The following ZNF549 variants were observed in gnomAD, a reference collection of about 807,000 sequenced individuals.
ZNF549 encodes the protein zinc finger protein 549.
A neutral mutation model predicts 11.1 loss-of-function variants in ZNF549; 11 were observed. That is an observed-to-expected ratio of 0.99 (90% confidence interval 0.62 to 1.64). ZNF549 has a LOEUF of 1.64. Among genes scored for constraint, ZNF549 ranks in the 40% most tolerant of loss-of-function variants. ZNF549 has a pLI of 0.00. For synonymous variants in ZNF549, 266 were observed against 269.1 expected, an observed-to-expected ratio of 0.99 and a Z score of 0.11; for missense variants, 748 against 765.1, an observed-to-expected ratio of 0.98 and a Z score of 0.26.
Position 57,538,628 on chromosome 19 carries a change from A to G in ZNF549, c.1624A>G (p.Lys542Glu), listed in dbSNP as rs1238614307. ...NECGKVFSHQ[K>E]RLLEHQKVHT... ...ATGTGGAAAAGTCTTCAGCCACCAA[A>G]AAAGACTTCTTGAGCACCAGAAAGT... Residue 542 changes from lysine to glutamate, a missense_variant, in exon 4 of 4, where the codon AAA (lysine) becomes GAA (glutamate). Transcript: ENST00000376233. 6.2e-7 allele frequency: 1 copy of G among 1,614,042 alleles called. No individual in the cohort carries two copies. Among genetic ancestry groups the G allele is most frequent in the Non-Finnish European group, 8.5e-7 (1 of 1,180,030 alleles).
intron 1 of ZNF549, among the ~76,000 whole-genome samples, chr19:57,529,900 T>A (rs983567529): frequency 2.2e-4 from 33 of 149,570 alleles, no homozygotes; most frequent in African/African-American, 6.5e-4. Flanking sequence ...AATAAATAAA[T>A]AAAATAAATA....
intron 3 of ZNF549, among the ~76,000 whole-genome samples, chr19:57,536,203 G>T (rs1199489959): frequency 6.6e-6 from 1 of 152,112 alleles, no homozygotes; most frequent in African/African-American, 2.4e-5. Context: ...ATGTTCCTCA[G>T]CTCGTGATGG....
At chr19:57,536,064 C>T (rs760047555) in intron 3 of ZNF549, among the ~76,000 whole-genome samples, 3 of 152,130 alleles carry the variant, frequency 2.0e-5, no homozygotes, top group South Asian at 4.1e-4. Context: ...GACAATTTGC[C>T]TACTTGTCGT....
Position 57,527,444 on chromosome 19 carries a change from G to T in ZNF549, c.-130G>T. ...GTAACTGGAGCCGGAAACCGGTGGAGGTGGTGTCCGCCCGCAGAGGAGCTT... is the reference window on the plus strand; with the variant it reads ...GTAACTGGAGCCGGAAACCGGTGGATGTGGTGTCCGCCCGCAGAGGAGCTT... On this transcript the variant is annotated 5_prime_UTR_variant, in exon 1 of 4. In the 5' UTR this introduces an upstream ATG that the reference lacks. Coordinates refer to ENST00000376233, the MANE Select transcript of ZNF549 (RefSeq NM_001199295.2). 1 of 1,297,024 alleles carries T rather than the reference G, an allele frequency of 7.7e-7. No individual in the cohort carries two copies. Among genetic ancestry groups the T allele is most frequent in the Non-Finnish European group, 1.1e-6 (1 of 923,026 alleles). The allele number at this position is 1,297,024 out of a possible 1,614,324, so 80.3% of individuals were successfully genotyped here.
intron 2 of ZNF549, among the ~76,000 whole-genome samples, chr19:57,534,084 T>C (rs988257724): frequency 1.1e-4 from 17 of 152,210 alleles, no homozygotes; most frequent in South Asian, 4.1e-4. Flanking sequence ...ATGGCAGATT[T>C]AAGAGGAACA....
chr19:57,537,173 A>G (rs1440214198), intron 3 of ZNF549, 31 bp from the exon 4 acceptor site: 18 of 1,590,196 alleles, frequency 1.1e-5, no homozygotes, highest in Non-Finnish European at 1.5e-5. Context: ...CAAAGTCTGC[A>G]TATACTTCAC....
chr19:57,535,981 G>A (rs536859773), intron 3 of ZNF549, among the ~76,000 whole-genome samples: 16 of 152,208 alleles, frequency 1.1e-4, no homozygotes, highest in African/African-American at 3.9e-4. Context: ...CCAGGCAAAT[G>A]TCCTATGTTC....
rs1286360655 is a variant in ZNF549, at chr19:57,537,951, A to G, written c.947A>G (p.Lys316Arg). The change falls in exon 4 of 4, where the codon AAA becomes AGA. Residue 316 changes from lysine to arginine, a missense_variant. By Grantham distance (26) the Lys-to-Arg change is conservative. Coordinates refer to ENST00000376233, the MANE Select transcript of ZNF549 (RefSeq NM_001199295.2). ...GAATGTGGGAAATCCTTGAGCTCCA[A>G]ATACTCACTTGTGGAACACCAGAGA... Reference protein sequence around the residue: ...CIECGKSLSSKYSLVEHQRTH... With the variant: ...CIECGKSLSSRYSLVEHQRTH... 3 of 1,614,116 alleles carry G rather than the reference A, an allele frequency of 1.9e-6. No individual in the cohort carries two copies. Among genetic ancestry groups the G allele is most frequent in the African/African-American group, 2.7e-5 (2 of 75,028 alleles).
At chr19:57,530,103 A>G (rs1010014676) in intron 1 of ZNF549, among the ~76,000 whole-genome samples, 4 of 152,172 alleles carry the variant, frequency 2.6e-5, no homozygotes, top group African/African-American at 9.6e-5. Flanking sequence ...CTTGAGTTTT[A>G]TGAGATGGCT....
At chr19:57,530,438 T>TAA (rs2123308890) in intron 1 of ZNF549, among the ~76,000 whole-genome samples, 1 of 152,264 alleles carries the variant, frequency 6.6e-6, no homozygotes, top group South Asian at 2.1e-4. Flanking sequence ...CTGGTAAACA[T>TAA]AAGTAAAATA....
chr19:57,529,735 A>C (rs1160879434), intron 1 of ZNF549, among the ~76,000 whole-genome samples: 1 of 151,910 alleles, frequency 6.6e-6, no homozygotes, highest in Non-Finnish European at 1.5e-5. Context: ...AAATACAAAA[A>C]ATTAGCCAGG....
rs138323471 is a variant in ZNF549, at chr19:57,535,154, C to A, written c.83C>A (p.Thr28Asn). The change falls in exon 3 of 4, where the codon ACC (threonine) becomes AAC (asparagine). Residue 28 changes from threonine (T) to asparagine (N), a missense_variant. By Grantham distance (65) the Thr-to-Asn change is moderately conservative. Transcript: ENST00000376233. ...GCCCCCATCATGCAGGGCCATGTGACCTTTGAGGATATTGCTGTGTACTTC... is the reference window on the plus strand; with the variant it reads ...GCCCCCATCATGCAGGGCCATGTGAACTTTGAGGATATTGCTGTGTACTTC... ...EFVKPSQGHV[T>N]FEDIAVYFSQ... is the part of the protein sequence containing the mutation. 88 of 1,613,798 alleles carry A rather than the reference C, an allele frequency of 5.5e-5. No individual in the cohort carries two copies. The highest frequency in any genetic ancestry group is 6.4e-5 in the Non-Finnish European group (76 of 1,179,874).
Position 57,527,584 on chromosome 19 carries a change from C to G in ZNF549, c.11C>G (p.Ala4Gly). The G allele has an allele frequency of 1.9e-6, 3 of 1,613,832 alleles. No individual in the cohort carries two copies. The highest frequency in any genetic ancestry group is 2.5e-6 in the Non-Finnish European group (3 of 1,179,982). The part of the protein sequence containing the change: MAE[A>G]ALVITPQIPM... ...CCCGCCTAAAGTCCCATGGCCGAGG[C>G]AGCGCTAGTGATTACGCCGCAGGTG... The change falls in exon 1 of 4, where the codon GCA (alanine) becomes GGA (glycine). Residue 4 changes from alanine (A) to glycine (G), a missense_variant. Coordinates refer to ENST00000376233, the MANE Select transcript of ZNF549 (RefSeq NM_001199295.2).
At position 57,527,730 on chromosome 19, in the gene ZNF549, GA is replaced by G. The variant is rs2089884943; in HGVS notation, c.33+125del. The G allele has an allele frequency of 7.5e-6, 9 of 1,198,516 alleles. No individual in the cohort carries two copies. In the African/African-American group the frequency reaches 1.1e-4, roughly 14 times the overall value. 74.2% of individuals were successfully genotyped at this position (1,198,516 alleles called of 1,614,324 possible). ...CGAGGAGTTCTGGGTGGGGTCCTCA[GA>G]GCTGACGGGCGGTGAGGTGAAGAAG... is the stretch of plus-strand genomic sequence containing the variant. On this transcript the variant is annotated intron_variant, in intron 1 of 3. Transcript: ENST00000376233.
In ZNF549 at chr19:57,538,211, T is replaced by C. The variant is rs1344942971; in HGVS notation, c.1207T>C (p.Ser403Pro). The C allele has an allele frequency of 6.2e-7, 1 of 1,611,590 alleles. No homozygotes were observed. The highest frequency in any genetic ancestry group is 2.2e-5 in the East Asian group (1 of 44,690). ...TGGGAAATCCTTCATATACAAACAGTCACTTCTTGATCACCATAGAATCCA... is the reference window on the plus strand; with the variant it reads ...TGGGAAATCCTTCATATACAAACAGCCACTTCTTGATCACCATAGAATCCA... The part of the protein sequence containing the change: ...ECGKSFIYKQ[S>P]LLDHHRIHTG... The change falls in exon 4 of 4, where the codon TCA becomes CCA. Residue 403 changes from serine to proline, a missense_variant. Ser to Pro is a moderately conservative substitution (Grantham distance 74). Coordinates refer to ENST00000376233, the MANE Select transcript of ZNF549 (RefSeq NM_001199295.2).
intron 2 of ZNF549, among the ~76,000 whole-genome samples, chr19:57,532,403 G>A (rs1044795617): frequency 6.6e-6 from 1 of 152,150 alleles, no homozygotes; most frequent in Non-Finnish European, 1.5e-5. Flanking sequence ...AGCTCTCAGG[G>A]AGTGGACTCA....
In ZNF549 at chr19:57,539,127, A is replaced by T; in HGVS notation, c.*200A>T. The T allele has an allele frequency of 1.7e-6, 1 of 594,160 alleles. No homozygotes were observed. Among genetic ancestry groups the T allele is most frequent in the Non-Finnish European group, 2.9e-6 (1 of 343,400 alleles). The allele number at this position is 594,160 out of a possible 1,614,324, so 36.8% of individuals were successfully genotyped here. A position where few individuals can be genotyped will look rare whatever the true frequency, so the allele number is the denominator to read the frequency against. ...TCTGCCCAGTGTTACAACAGACACT[A>T]CCATGTGGCATATCCTCACCGTTTT... On this transcript the variant is annotated 3_prime_UTR_variant, in exon 4 of 4. Coordinates refer to ENST00000376233, the MANE Select transcript of ZNF549 (RefSeq NM_001199295.2).
rs1051908475 is a variant in ZNF549, at chr19:57,539,907, A to T, written c.*980A>T. Reference sequence around the variant, plus strand: ...TGGCCAAGAAGAGTGAATGTGTCCCATCCAAAGGTGCATCCAGATATGTCT... The same window carrying T: ...TGGCCAAGAAGAGTGAATGTGTCCCTTCCAAAGGTGCATCCAGATATGTCT... On this transcript the variant is annotated 3_prime_UTR_variant, in exon 4 of 4. Coordinates refer to ENST00000376233, the MANE Select transcript of ZNF549 (RefSeq NM_001199295.2). 1 of 152,272 alleles carries T rather than the reference A, an allele frequency of 6.6e-6. No individual in the cohort carries two copies. Among genetic ancestry groups the T allele is most frequent in the Non-Finnish European group, 1.5e-5 (1 of 68,074 alleles). The allele number at this position is 152,272 out of a possible 1,614,324, so 9.4% of individuals were successfully genotyped here.
intron 3 of ZNF549, among the ~76,000 whole-genome samples, chr19:57,536,282 A>T (rs1000724662): frequency 6.6e-6 from 1 of 152,050 alleles, no homozygotes; most frequent in Non-Finnish European, 1.5e-5. Flanking sequence ...AATACACCCA[A>T]CTTATTAGAC....
Sources: allele counts gnomAD v4.1 joint callset (sites outside exome capture counted in the v4.1 genomes callset), GRCh38; gene constraint gnomAD v4.1.1; transcripts MANE v1.5; gene names NCBI Gene and HGNC (gene_info 2026-07-23, HGNC 2026-07-21).